RASSF4: variants seen among roughly 807,000 people sequenced by gnomAD.
The protein encoded by RASSF4 is ras association domain-containing protein 4.
RASSF4 carries 38 observed loss-of-function variants against 41.1 expected under a neutral mutation model. That is an observed-to-expected ratio of 0.92 (90% CI 0.71 to 1.21). The LOEUF (loss-of-function observed/expected upper bound fraction) is 1.21, where lower values mean the gene tolerates loss of function less well. Ranked by LOEUF, RASSF4 falls within the 50% of genes most tolerant of loss-of-function variation. The probability of loss-of-function intolerance (pLI) is 0.00; values close to 1 mark genes in which losing one functional copy is unlikely to be tolerated. For synonymous variants in RASSF4, 179 were observed against 163.4 expected, an observed-to-expected ratio of 1.10 and a Z score of -0.73; for missense variants, 414 against 419.4, an observed-to-expected ratio of 0.99 and a Z score of 0.11.
intron 1 of RASSF4, among the ~76,000 whole-genome samples, chr10:44,968,682 C>G (rs1331530703): frequency 2.0e-5 from 3 of 152,136 alleles, no homozygotes; most frequent in African/African-American, 7.2e-5. Context: ...GGGCATTCTG[C>G]AGGGATGGGC....
chr10:44,991,424 A>G, intron 9 of RASSF4: 1 of 213,910 alleles, frequency 4.7e-6, no homozygotes, highest in East Asian at 1.0e-4. Flanking sequence ...CCTGTGGAAA[A>G]CAGGGAGATA....
chr10:44,969,473 C>G (rs1296135739), intron 1 of RASSF4, among the ~76,000 whole-genome samples: 1 of 152,068 alleles, frequency 6.6e-6, no homozygotes, highest in Non-Finnish European at 1.5e-5. Context: ...AGTCACTGCC[C>G]GTGATCAATA....
chr10:44,980,314 A>G (rs908648959), intron 3 of RASSF4, among the ~76,000 whole-genome samples: 38 of 152,236 alleles, frequency 2.5e-4, no homozygotes, highest in Admixed American at 2.0e-3. Context: ...CCCTTTGTCT[A>G]GTTCGCTGGC....
At chr10:44,985,273 T>A (rs558749356) in intron 6 of RASSF4, among the ~76,000 whole-genome samples, 1 of 152,234 alleles carries the variant, frequency 6.6e-6, no homozygotes, top group South Asian at 2.1e-4. Context: ...CCCCCCGAAC[T>A]CGATTGGTTG....
Position 44,984,898 on chromosome 10 carries a change from C to A in RASSF4, c.459C>A (p.Cys153Ter), listed in dbSNP as rs557481929. 6 of 1,613,580 alleles carry A rather than the reference C, an allele frequency of 3.7e-6. No individual in the cohort carries two copies. In the Middle Eastern group the frequency reaches 9.9e-4, roughly 266 times the overall value. ...ASCMSQRRPK[C>*]RAPGEAQRIR... ...GCATGAGCCAGAGGAGGCCCAAGTG[C>A]CGCGCCCCCGGTGAGGCCCAGCGCA... The change falls in exon 6 of 11, where the codon TGC becomes TGA. Residue 153 changes from cysteine (C) to a stop codon, truncating the protein, a stop_gained. Coordinates refer to ENST00000340258, the MANE Select transcript of RASSF4 (RefSeq NM_032023.4). LOFTEE classifies it high-confidence loss of function.
chr10:44,964,307 G>C (rs1227547095), intron 1 of RASSF4, among the ~76,000 whole-genome samples: 1 of 152,270 alleles, frequency 6.6e-6, no homozygotes, highest in Non-Finnish European at 1.5e-5. Flanking sequence ...TGATCACTCT[G>C]GTTGGGGACA....
At chr10:44,974,443 G>A (rs1344082056) in intron 3 of RASSF4, among the ~76,000 whole-genome samples, 4 of 152,250 alleles carry the variant, frequency 2.6e-5, no homozygotes, top group Non-Finnish European at 5.9e-5. Context: ...CAAGCTCACA[G>A]CCACTTACAA....
At chr10:44,978,650 A>T (rs560888705) in intron 3 of RASSF4, 1 of 152,348 alleles carries the variant, frequency 6.6e-6, no homozygotes, top group Admixed American at 6.5e-5. Context: ...GTGGCAGGAG[A>T]ATGGATGAGC....
chr10:44,982,229 T>G, intron 3 of RASSF4: 1 of 452,964 alleles, frequency 2.2e-6, no homozygotes. Flanking sequence ...CACCGCGGTG[T>G]GGACGTGCCT....
In RASSF4 at chr10:44,989,571, C is replaced by T. The variant is rs11593886; in HGVS notation, c.634-99C>T. ...GAGAGGACAGGTTCCTTGCAACTTG[C>T]GTGTGTGTTACTGGGGGTGTAGTTA... On this transcript the variant is annotated intron_variant, in intron 7 of 10. Transcript: ENST00000340258. 2.1e-3 allele frequency: 2,350 copies of T among 1,134,600 alleles called. 13 individuals carry two copies. The highest frequency in any genetic ancestry group is 2.5e-3 in the Non-Finnish European group (1,839 of 742,760). The allele number at this position is 1,134,600 out of a possible 1,614,324, so 70.3% of individuals were successfully genotyped here.
chr10:44,977,623 A>T, intron 3 of RASSF4: 1 of 1,613,102 alleles, frequency 6.2e-7, no homozygotes. Context: ...CCATCTGTCT[A>T]TGTGGACCCC....
At chr10:44,982,052 A>C in intron 3 of RASSF4, 1 of 206,340 alleles carries the variant, frequency 4.8e-6, no homozygotes. Context: ...GCTGAGACAC[A>C]GCTAGGACAG....
In RASSF4 at chr10:44,993,738, T is replaced by C. The variant is rs557365319; in HGVS notation, c.*409T>C. On this transcript the variant is annotated 3_prime_UTR_variant, in exon 11 of 11. Transcript: ENST00000340258. The stretch of plus-strand genomic sequence containing the variant: ...TATGAGATTCTTGTCTGCCCTCATA[T>C]CACGCTGCCCCACAGGAATGCTGCT... 3.1e-4 allele frequency: 53 copies of C among 173,430 alleles called. No individual in the cohort carries two copies. Among genetic ancestry groups the C allele is most frequent in the African/African-American group, 1.2e-3 (51 of 42,878 alleles). 10.7% of individuals were successfully genotyped at this position (173,430 alleles called of 1,614,324 possible).
chr10:44,991,643 A>G (rs932922628), intron 9 of RASSF4, among the ~76,000 whole-genome samples: 2 of 152,146 alleles, frequency 1.3e-5, no homozygotes, highest in South Asian at 2.1e-4. Context: ...CAATGTGACA[A>G]TGCTGCTGTA....
At chr10:44,992,988 G>A (rs1564470416) in intron 10 of RASSF4, among the ~76,000 whole-genome samples, 1 of 152,214 alleles carries the variant, frequency 6.6e-6, no homozygotes, top group Non-Finnish European at 1.5e-5. Context: ...TGGGCTTCCC[G>A]ATCTCTGCTC....
Position 44,973,545 on chromosome 10 carries a change from TAGATATGCA to T in RASSF4, c.138+1699_138+1707del, listed in dbSNP as rs1408435872. 4.6e-5 allele frequency among the ~76,000 whole-genome samples: 7 copies of T among 152,318 alleles called. No individual in the cohort carries two copies. The East Asian group carries it at 1.2e-3, about 25-fold the overall frequency. The stretch of plus-strand genomic sequence containing the variant: ...AGCACCAGCTGCCCTGGGAACTGGT[TAGATATGCA>T]AATTCCTACCACGCCCCTCTCCCAG... On this transcript the variant is annotated intron_variant, in intron 3 of 10. Coordinates refer to ENST00000340258, the MANE Select transcript of RASSF4 (RefSeq NM_032023.4).
chr10:44,964,152 G>C (rs980294719), intron 1 of RASSF4, among the ~76,000 whole-genome samples: 4 of 152,286 alleles, frequency 2.6e-5, no homozygotes, highest in African/African-American at 9.6e-5. Context: ...AGTGACAGCA[G>C]ACTGTCTCTC....
intron 1 of RASSF4, among the ~76,000 whole-genome samples, chr10:44,960,197 G>A (rs1564447094): frequency 6.6e-6 from 1 of 152,202 alleles, no homozygotes; most frequent in Non-Finnish European, 1.5e-5. Flanking sequence ...AGAGCCTAGA[G>A]GCCTCTGGCA....
chr10:44,989,748 G>A (rs374737747), intron 8 of RASSF4, 27 bp downstream of exon 8: 33 of 1,608,354 alleles, frequency 2.1e-5, no homozygotes, highest in Non-Finnish European at 2.3e-5. Context: ...CTTCTGGATC[G>A]TAAAAGCAAA....
Sources: gnomAD v4.1 joint callset for allele counts (sites outside exome capture counted in the v4.1 genomes callset) on GRCh38, gnomAD v4.1.1 for gene constraint, MANE v1.5 for transcripts, NCBI Gene and HGNC (gene_info 2026-07-23, HGNC 2026-07-21) for gene names.